Variants in PDS5A observed in about 807,000 individuals in gnomAD.
PDS5A encodes PDS5 cohesin associated factor A.
In PDS5A, 42 loss-of-function variants were observed where a neutral mutation model predicts 167.1. The ratio of observed to expected loss-of-function variants is 0.25; its 90% confidence interval spans 0.20 to 0.33. The LOEUF (loss-of-function observed/expected upper bound fraction) is 0.33, where lower values mean the gene tolerates loss of function less well. Ranked by LOEUF, PDS5A falls within the 10% of genes least tolerant of loss-of-function variation. The pLI is 1.00. For missense variants in PDS5A, 1,033 were observed against 1,605.9 expected (o/e 0.64, Z 6.10); for synonymous variants, 553 against 554.6 (o/e 1.00, Z 0.04).
intron 17 of PDS5A, among the ~76,000 whole-genome samples, chr4:39,880,873 A>G (rs1720870937): frequency 6.6e-6 from 1 of 152,170 alleles, no homozygotes; most frequent in Non-Finnish European, 1.5e-5. Flanking sequence ...TGTGCTATGG[A>G]ACACTAGAAT....
At chr4:39,844,292 T>C (rs1169523525) in intron 30 of PDS5A, among the ~76,000 whole-genome samples, 2 of 151,840 alleles carry the variant, frequency 1.3e-5, no homozygotes, top group African/African-American at 2.4e-5. Flanking sequence ...CTGGCCAACA[T>C]GGTGAAACAC....
At chr4:39,962,808 G>C (rs578063874) in intron 2 of PDS5A, among the ~76,000 whole-genome samples, 19 of 151,726 alleles carry the variant, frequency 1.3e-4, no homozygotes, top group Non-Finnish European at 2.5e-4. Flanking sequence ...GAGGAAGAGG[G>C]GGAATTAACC....
At chr4:39,885,728 G>A (rs554567702) in intron 17 of PDS5A, among the ~76,000 whole-genome samples, 9 of 152,096 alleles carry the variant, frequency 5.9e-5, no homozygotes, top group African/African-American at 1.7e-4. Flanking sequence ...CAGCCTGGAC[G>A]GCATGGTGAA....
chr4:39,835,257 T>C (rs1233645375), intron 32 of PDS5A, among the ~76,000 whole-genome samples: 1 of 151,906 alleles, frequency 6.6e-6, no homozygotes, highest in East Asian at 1.9e-4. Context: ...AAACATTTAA[T>C]TTAACCACCT....
chr4:39,929,742 T>A (rs1411968482), intron 2 of PDS5A, among the ~76,000 whole-genome samples: 1 of 149,756 alleles, frequency 6.7e-6, no homozygotes, highest in Non-Finnish European at 1.5e-5. Context: ...AGTGTAAAAT[T>A]TTATTATTAT....
At chr4:39,830,685 A>C (rs1715780995) in intron 32 of PDS5A, among the ~76,000 whole-genome samples, 1 of 152,214 alleles carries the variant, frequency 6.6e-6, no homozygotes, top group Non-Finnish European at 1.5e-5. Context: ...TAGGCTTCCC[A>C]AAGTGCTGGG....
intron 26 of PDS5A, among the ~76,000 whole-genome samples, chr4:39,856,794 C>T (rs1362131837): frequency 1.3e-5 from 2 of 151,832 alleles, no homozygotes; most frequent in Non-Finnish European, 1.5e-5. Flanking sequence ...CCAGCCTGGG[C>T]AACAGAGTGA....
At chr4:39,926,744 T>A in intron 4 of PDS5A, 31 bp downstream of exon 4, 1 of 1,288,822 alleles carries the variant, frequency 7.8e-7, no homozygotes, top group South Asian at 1.6e-5. Flanking sequence ...TGAAATAATG[T>A]TAATAGTTAT....
At chr4:39,868,396 T>C (rs1269123402) in intron 22 of PDS5A, among the ~76,000 whole-genome samples, 1 of 152,210 alleles carries the variant, frequency 6.6e-6, no homozygotes, top group Non-Finnish European at 1.5e-5. Context: ...TGGCGGGACC[T>C]TGGCTCACTG....
At chr4:39,853,470 TTACTC>T (rs752240162) in intron 26 of PDS5A, among the ~76,000 whole-genome samples, 3 of 152,166 alleles carry the variant, frequency 2.0e-5, no homozygotes, top group Non-Finnish European at 4.4e-5. Flanking sequence ...TTTCCAATCT[TTACTC>T]TACTCATATC....
chr4:39,946,219 A>AG (rs987592462), intron 2 of PDS5A, among the ~76,000 whole-genome samples: 9 of 151,068 alleles, frequency 6.0e-5, no homozygotes, highest in African/African-American at 2.2e-4. Context: ...TAAAAAAAAA[A>AG]AAAGAAAGAA....
chr4:39,856,451 C>T (rs1206668170), intron 26 of PDS5A, among the ~76,000 whole-genome samples: 1 of 152,068 alleles, frequency 6.6e-6, no homozygotes, highest in African/African-American at 2.4e-5. Flanking sequence ...TGAAAGTAAC[C>T]ATACAGGTAC....
intron 2 of PDS5A, among the ~76,000 whole-genome samples, chr4:39,930,246 A>AG (rs1725913024): frequency 1.1e-5 from 1 of 93,090 alleles, no homozygotes; most frequent in African/African-American, 3.7e-5. Flanking sequence ...AAAAAAAAAA[A>AG]GTTTTTTTGT....
intron 2 of PDS5A, among the ~76,000 whole-genome samples, chr4:39,951,898 C>CAAAAAAAAAA (rs1161911794): frequency 0.018 from 1,264 of 68,698 alleles, 99 homozygotes; most frequent in African/African-American, 0.075. Flanking sequence ...GAGTCTGTCT[C>CAAAAAAAAAA]AAAAAAAAAA....
At chr4:39,903,125 GC>G (rs1365841306) in intron 12 of PDS5A, among the ~76,000 whole-genome samples, 1 of 152,198 alleles carries the variant, frequency 6.6e-6, no homozygotes, top group Non-Finnish European at 1.5e-5. Context: ...GCTATGATCC[GC>G]GGTAGAGCTA....
chr4:39,835,609 G>A (rs567976259), intron 32 of PDS5A, among the ~76,000 whole-genome samples: 8 of 152,138 alleles, frequency 5.3e-5, no homozygotes, highest in Non-Finnish European at 1.2e-4. Flanking sequence ...TGCAACCCCC[G>A]CCTCCCGGGT....
At chr4:39,929,536 T>TATATATATAC (rs1725792239) in intron 2 of PDS5A, among the ~76,000 whole-genome samples, 2 of 116,670 alleles carry the variant, frequency 1.7e-5, no homozygotes, top group Non-Finnish European at 3.4e-5. Flanking sequence ...TATATATATA[T>TATATATATAC]ATATATATAT....
At chr4:39,919,931 A>G (rs6839903) in intron 7 of PDS5A, among the ~76,000 whole-genome samples, 52,011 of 151,026 alleles carry the variant, frequency 0.34, 9,921 homozygotes, top group East Asian at 0.65. Context: ...CTGTAATCTT[A>G]AAAAAATAAA....
At chr4:39,840,488 G>A (rs569139334) in intron 31 of PDS5A, among the ~76,000 whole-genome samples, 115 of 151,634 alleles carry the variant, frequency 7.6e-4, no homozygotes, top group Non-Finnish European at 1.4e-3. Flanking sequence ...CTCCACCTCC[G>A]CGGTTCAAGC....
Sources: gnomAD v4.1 joint callset for allele counts (sites outside exome capture counted in the v4.1 genomes callset) on GRCh38, gnomAD v4.1.1 for gene constraint, MANE v1.5 for transcripts, NCBI Gene and HGNC (gene_info 2026-07-23, HGNC 2026-07-21) for gene names.